Variants in SLC25A16 observed in about 807,000 individuals in gnomAD.
SLC25A16 encodes the protein mitochondrial coenzyme A transporter SLC25A16.
SLC25A16 carries 39 observed loss-of-function variants against 41.5 expected under a neutral mutation model. The observed-to-expected ratio is 0.94, with a 90% CI of 0.73 to 1.23. The LOEUF (loss-of-function observed/expected upper bound fraction) is 1.23, where lower values mean the gene tolerates loss of function less well. SLC25A16 is among the 50% of genes most tolerant of loss of function. The probability of loss-of-function intolerance (pLI) is 0.00; values close to 1 mark genes in which losing one functional copy is unlikely to be tolerated. For synonymous variants in SLC25A16, 146 were observed against 147.8 expected (o/e 0.99, Z 0.09); for missense variants, 421 against 426.9 (o/e 0.99, Z 0.12).
rs1005929615 is a variant in SLC25A16 at position 68,481,503 on chromosome 10, T to C, written c.*1929A>G. 1.3e-5 allele frequency: 2 copies of C among 152,094 alleles called. No homozygotes were observed. Among genetic ancestry groups the C allele is most frequent in the Non-Finnish European group, 2.9e-5 (2 of 68,012 alleles). The allele number at this position is 152,094 out of a possible 1,614,324, so 9.4% of individuals were successfully genotyped here. The stretch of plus-strand genomic sequence containing the variant: ...TTGAAAGAAACGGGGTCTCACTATG[T>C]TGCCCAGGCTGGTCTCGAACTCCTG... On this transcript the variant is annotated 3_prime_UTR_variant, in exon 9 of 9. Coordinates refer to ENST00000609923, the MANE Select transcript of SLC25A16 (RefSeq NM_152707.4).
chr10:68,517,974 G>GA (rs376167803), intron 1 of SLC25A16: 1,595 of 145,612 alleles, frequency 0.011, 28 homozygotes, highest in African/African-American at 0.036. Flanking sequence ...CCATCTCAAA[G>GA]AAAAAAAAAA....
In SLC25A16 at chr10:68,493,143, G is replaced by C; in HGVS notation, c.599C>G (p.Ala200Gly). 4.4e-6 allele frequency: 7 copies of C among 1,588,168 alleles called. No homozygotes were observed. Among genetic ancestry groups the C allele is most frequent in the Non-Finnish European group, 6.0e-6 (7 of 1,169,286 alleles). ...AATTTGAAACATACCTGCATATGGA[G>C]CCATTCCTAAAATAGTAGGCATCAG... is the stretch of plus-strand genomic sequence containing the variant. Reference protein sequence around the residue: ...RGLMPTILGMAPYAGVSFFTF... With the variant: ...RGLMPTILGMGPYAGVSFFTF... Residue 200 changes from alanine to glycine, a missense_variant, in exon 6 of 9, where the codon GCT (alanine) becomes GGT (glycine). Transcript: ENST00000609923.
intron 4 of SLC25A16, among the ~76,000 whole-genome samples, chr10:68,497,503 A>T (rs10159502): frequency 0.081 from 12,393 of 152,138 alleles, 763 homozygotes; most frequent in African/African-American, 0.17. Flanking sequence ...TTAGAGTAGG[A>T]TCTAGTGAGA....
rs550357084 is a variant in SLC25A16, at chr10:68,516,312, C to A, written c.223+439G>T. On this transcript the variant is annotated intron_variant, in intron 2 of 8. Transcript: ENST00000609923. ...ACCTCACAGCCTGTATTTGTCCCGA[C>A]TGGCTAGCAACTTAGAACTTTTTAA... Among the ~76,000 whole-genome samples, 3 of 152,112 alleles carry A rather than the reference C, an allele frequency of 2.0e-5. No homozygotes were observed. In the South Asian group the frequency reaches 6.2e-4, roughly 32 times the overall value.
Position 68,479,446 on chromosome 10 carries a change from A to G in SLC25A16, c.*3986T>C, listed in dbSNP as rs2052460996. The G allele has an allele frequency of 2.0e-5, 3 of 152,372 alleles. 1 individual carries two copies. The highest frequency in any genetic ancestry group is 2.0e-4 in the Admixed American group (3 of 15,292). 9.4% of individuals were successfully genotyped at this position (152,372 alleles called of 1,614,324 possible). ...ACAAGCCTCCCAAGGGAAGTCCTCC[A>G]TAATGCTGACACAAGGTCTGGCACA... is the stretch of plus-strand genomic sequence containing the variant. On this transcript the variant is annotated 3_prime_UTR_variant, in exon 9 of 9. Coordinates refer to ENST00000609923, the MANE Select transcript of SLC25A16 (RefSeq NM_152707.4).
intron 2 of SLC25A16, among the ~76,000 whole-genome samples, chr10:68,507,357 C>T (rs775379385): frequency 1.3e-5 from 2 of 152,032 alleles, no homozygotes; most frequent in Non-Finnish European, 2.9e-5. Context: ...AGGCGTGACC[C>T]ACTGCACCTG....
Position 68,483,301 on chromosome 10 carries a change from A to G in SLC25A16, c.*131T>C, listed in dbSNP as rs1239493980. Reference sequence around the variant, plus strand: ...TTTGTGACTAAAGAAAAAATAATCAAGTACTAAAATACCAGTGGCTCTTGT... The same window carrying G: ...TTTGTGACTAAAGAAAAAATAATCAGGTACTAAAATACCAGTGGCTCTTGT... On this transcript the variant is annotated 3_prime_UTR_variant, in exon 9 of 9. Transcript: ENST00000609923. The G allele has an allele frequency of 3.4e-6, 2 of 594,036 alleles. No homozygotes were observed. The highest frequency in any genetic ancestry group is 1.9e-5 in the African/African-American group (1 of 53,742). The allele number at this position is 594,036 out of a possible 1,614,324, so 36.8% of individuals were successfully genotyped here.
intron 2 of SLC25A16, among the ~76,000 whole-genome samples, chr10:68,514,297 C>A (rs1022329035): frequency 6.6e-6 from 1 of 152,116 alleles, no homozygotes; most frequent in African/African-American, 2.4e-5. Flanking sequence ...GAGTTCCAGA[C>A]CAGCCTGGCC....
intron 1 of SLC25A16, among the ~76,000 whole-genome samples, chr10:68,525,207 G>A (rs966676900): frequency 5.9e-5 from 9 of 151,842 alleles, no homozygotes; most frequent in African/African-American, 1.5e-4. Flanking sequence ...GCAGGATCTC[G>A]GCTCACTGCA....
Position 68,526,584 on chromosome 10 carries a change from G to A in SLC25A16, c.130+662C>T, listed in dbSNP as rs141764437. Among the ~76,000 whole-genome samples, 322 of 151,902 alleles carry A rather than the reference G, an allele frequency of 2.1e-3. 14 individuals are homozygous for A. In the East Asian group the frequency reaches 0.052, roughly 25 times the overall value. The stretch of plus-strand genomic sequence containing the variant: ...TGTCTTTTTCTTTCCTAAGTCTCTC[G>A]TTCCACCTTACGAGAAACACCCACA... On this transcript the variant is annotated intron_variant, in intron 1 of 8. Coordinates refer to ENST00000609923, the MANE Select transcript of SLC25A16 (RefSeq NM_152707.4).
chr10:68,492,975 T>A (rs1011468502), intron 6 of SLC25A16, among the ~76,000 whole-genome samples, 157 bp downstream of exon 6: 10 of 151,616 alleles, frequency 6.6e-5, no homozygotes, highest in Non-Finnish European at 1.0e-4. Flanking sequence ...ATAGTCATCT[T>A]TATATCCAAG....
At chr10:68,515,391 G>T (rs546119276) in intron 2 of SLC25A16, among the ~76,000 whole-genome samples, 6 of 148,730 alleles carry the variant, frequency 4.0e-5, no homozygotes, top group African/African-American at 1.5e-4. Flanking sequence ...GCAAGCACTG[G>T]ATTCTTCTTG....
intron 1 of SLC25A16, among the ~76,000 whole-genome samples, chr10:68,523,761 CA>C (rs1358968662): frequency 2.0e-5 from 3 of 152,124 alleles, no homozygotes; most frequent in African/African-American, 4.8e-5. Flanking sequence ...AGGTGTGAGA[CA>C]CCTCACCTAG....
intron 6 of SLC25A16, among the ~76,000 whole-genome samples, chr10:68,490,069 T>C (rs2052631037): frequency 6.6e-6 from 1 of 152,046 alleles, no homozygotes; most frequent in African/African-American, 2.4e-5. Flanking sequence ...GAGACCAGCC[T>C]GGGTAATATA....
chr10:68,494,146 C>T (rs1271553631), intron 4 of SLC25A16, among the ~76,000 whole-genome samples: 1 of 152,136 alleles, frequency 6.6e-6, no homozygotes, highest in African/African-American at 2.4e-5. Context: ...TTCCCATGTT[C>T]CGAGTTTTCT....
chr10:68,510,977 G>A lies in SLC25A16; in HGVS notation c.224-4259C>T, dbSNP rs528622225. Among the ~76,000 whole-genome samples, 275 of 152,292 alleles carry A rather than the reference G, an allele frequency of 1.8e-3. 8 individuals carry two copies. The highest frequency in any genetic ancestry group is 7.2e-4 in the Admixed American group (11 of 15,286). On this transcript the variant is annotated intron_variant, in intron 2 of 8. Transcript: ENST00000609923. ...ATTAAAGCCCAGTGCAGTGGCTCAC[G>A]CCTATAATCCCAGCACTTTGGGAGG... is the stretch of plus-strand genomic sequence containing the variant.
rs138493559 is a variant in SLC25A16 at position 68,485,424 on chromosome 10, G to A, written c.842+1720C>T. 3.4e-3 allele frequency among the ~76,000 whole-genome samples: 497 copies of A among 148,336 alleles called. 5 individuals are homozygous for A. Among genetic ancestry groups the A allele is most frequent in the African/African-American group, 0.012 (470 of 40,142 alleles). On this transcript the variant is annotated intron_variant, in intron 8 of 8. Coordinates refer to ENST00000609923, the MANE Select transcript of SLC25A16 (RefSeq NM_152707.4). ...TTTTTAGACAGAGTCTCGCTCTGTC[G>A]CCCAGGCTGGAGTGCAGTGGCATGA...
In SLC25A16 at chr10:68,524,330, A is replaced by AAAG. The variant is rs1417223553; in HGVS notation, c.130+2915_130+2916insCTT. Among the ~76,000 whole-genome samples, 609 of 133,094 alleles carry AAAG rather than the reference A, an allele frequency of 4.6e-3. 2 individuals carry two copies. The highest frequency in any genetic ancestry group is 7.2e-3 in the Non-Finnish European group (445 of 61,560). The allele number at this position is 133,094 out of a possible 152,430, so 87.3% of individuals were successfully genotyped here. On this transcript the variant is annotated intron_variant, in intron 1 of 8. Coordinates refer to ENST00000609923, the MANE Select transcript of SLC25A16 (RefSeq NM_152707.4). ...CATCTCAAAAAAAAAAAAAAAAAAA[A>AAAG]AGAGAGATCGAGACCATCCTGGCCA...
chr10:68,513,071 C>T (rs932563669), intron 2 of SLC25A16, among the ~76,000 whole-genome samples: 12 of 151,158 alleles, frequency 7.9e-5, no homozygotes, highest in African/African-American at 1.2e-4. Context: ...GTTGGCTGGG[C>T]GGTGAAGTCC....
Sources: gnomAD v4.1 joint callset for allele counts (sites outside exome capture counted in the v4.1 genomes callset) on GRCh38, gnomAD v4.1.1 for gene constraint, MANE v1.5 for transcripts, NCBI Gene and HGNC (gene_info 2026-07-23, HGNC 2026-07-21) for gene names.